The following ZNF69 variants were observed in gnomAD, a reference collection of about 807,000 sequenced individuals.
The protein encoded by ZNF69 is ZNF3.
In ZNF69, 47 loss-of-function variants were observed where a neutral mutation model predicts 50.9. The observed-to-expected ratio is 0.92, with a 90% CI of 0.73 to 1.18. The LOEUF (loss-of-function observed/expected upper bound fraction) is 1.18, where lower values mean the gene tolerates loss of function less well. Ranked by LOEUF, ZNF69 falls within the 50% of genes most tolerant of loss-of-function variation. The pLI is 0.00. For synonymous variants in ZNF69, 216 were observed against 223.1 expected (o/e 0.97, Z 0.29); for missense variants, 717 against 675.1 (o/e 1.06, Z -0.69).
the ZNF69 span, chr19:11,979,810 T>A: frequency 3.2e-6 from 5 of 1,572,714 alleles, no homozygotes; most frequent in African/African-American, 4.1e-5. Flanking sequence ...GTAAGGAATG[T>A]GGGAAAGCCT....
intron 1 of ZNF69, among the ~76,000 whole-genome samples, chr19:11,889,452 C>G (rs956044525): frequency 2.6e-5 from 4 of 152,122 alleles, no homozygotes; most frequent in Middle Eastern, 3.2e-3. Context: ...ACTTCACTTA[C>G]CTGGGAAGGT....
At chr19:11,950,101 A>C in the ZNF69 span, 1 of 1,614,216 alleles carries the variant, frequency 6.2e-7, no homozygotes, top group Non-Finnish European at 8.5e-7. Flanking sequence ...GATTCTTCAA[A>C]TACATGCAAG....
chr19:11,921,521 G>C, the ZNF69 span, among the ~76,000 whole-genome samples: 1 of 151,096 alleles, frequency 6.6e-6, no homozygotes, highest in African/African-American at 2.4e-5. Context: ...TTTGTTTTTT[G>C]AGACAGAGTC....
At chr19:11,942,373 T>C in the ZNF69 span, among the ~76,000 whole-genome samples, 24 of 152,074 alleles carry the variant, frequency 1.6e-4, no homozygotes, top group South Asian at 4.2e-4. Context: ...TATTAATTCA[T>C]AGGACTCCGT....
At chr19:11,947,188 T>C in the ZNF69 span, 1 of 1,613,818 alleles carries the variant, frequency 6.2e-7, no homozygotes, top group Non-Finnish European at 8.5e-7. Flanking sequence ...CAGGACCCAG[T>C]GGCCTTTGAG....
chr19:11,890,106 G>A (rs1028412654), intron 1 of ZNF69, among the ~76,000 whole-genome samples: 4 of 152,130 alleles, frequency 2.6e-5, no homozygotes, highest in Non-Finnish European at 4.4e-5. Context: ...TCCCCGGAAC[G>A]AGCAGGAGAC....
the ZNF69 span, among the ~76,000 whole-genome samples, chr19:11,944,604 G>A: frequency 8.5e-5 from 13 of 152,166 alleles, no homozygotes; most frequent in East Asian, 1.9e-4. Flanking sequence ...TTCTCAGTTC[G>A]CGTTGGATAA....
the ZNF69 span, among the ~76,000 whole-genome samples, chr19:11,965,784 C>G: frequency 2.6e-4 from 40 of 152,140 alleles, no homozygotes; most frequent in Non-Finnish European, 5.3e-4. Flanking sequence ...CCCAAGAAGC[C>G]TATAGTGAGT....
Position 11,894,915 on chromosome 19 carries a change from G to A in ZNF69, c.63+6929G>A, listed in dbSNP as rs183078471. Among the ~76,000 whole-genome samples the A allele has an allele frequency of 7.2e-5, 11 of 152,288 alleles. No individual in the cohort carries two copies. The East Asian group carries it at 1.2e-3, about 16-fold the overall frequency. On this transcript the variant is annotated intron_variant, in intron 1 of 3. Coordinates refer to ENST00000429654, the MANE Select transcript of ZNF69 (RefSeq NM_001364730.1). ...GACAAGGAAAGCCCACCCCAACGGGGTGGACCAGTAGCCTGCAAATCAGAA... is the reference window on the plus strand; with the variant it reads ...GACAAGGAAAGCCCACCCCAACGGGATGGACCAGTAGCCTGCAAATCAGAA...
the ZNF69 span, chr19:11,924,937 C>G: frequency 2.5e-6 from 1 of 405,100 alleles, no homozygotes; most frequent in Non-Finnish European, 4.6e-6. Context: ...AAGCAGCTCG[C>G]CCTTAGAGAA....
the ZNF69 span, chr19:11,978,418 A>G: frequency 3.8e-5 from 62 of 1,614,110 alleles, no homozygotes; most frequent in Non-Finnish European, 5.0e-5. Flanking sequence ...CAAGAAAGGA[A>G]TCACACCGGA....
the ZNF69 span, chr19:11,978,686 G>A: frequency 1.2e-6 from 2 of 1,613,832 alleles, no homozygotes; most frequent in Non-Finnish European, 8.5e-7. Flanking sequence ...CTGGAGAAAA[G>A]CCTTATGAAT....
the ZNF69 span, among the ~76,000 whole-genome samples, chr19:11,926,013 G>A: frequency 2.6e-5 from 4 of 152,190 alleles, no homozygotes; most frequent in African/African-American, 2.4e-5. Context: ...AGGCACAGGT[G>A]GTTGAGGGAT....
At chr19:11,921,938 CAAGAA>C in the ZNF69 span, among the ~76,000 whole-genome samples, 1 of 151,962 alleles carries the variant, frequency 6.6e-6, no homozygotes, top group Non-Finnish European at 1.5e-5. Context: ...TTATTTACTC[CAAGAA>C]AAGTAAAAGC....
the ZNF69 span, chr19:11,965,092 TC>T: frequency 7.3e-7 from 1 of 1,371,386 alleles, no homozygotes; most frequent in Non-Finnish European, 1.0e-6. Flanking sequence ...GCTGTATCCA[TC>T]CCCGAGAGGG....
At chr19:11,932,187 A>G in the ZNF69 span, among the ~76,000 whole-genome samples, 1 of 147,814 alleles carries the variant, frequency 6.8e-6, no homozygotes, top group Admixed American at 6.6e-5. Flanking sequence ...CCTTGTCTAT[A>G]CAAAAACTTA....
chr19:11,969,867 G>A, the ZNF69 span, among the ~76,000 whole-genome samples: 2 of 152,126 alleles, frequency 1.3e-5, no homozygotes, highest in Non-Finnish European at 2.9e-5. Flanking sequence ...TTTGGGATGA[G>A]GTTCCTTTCT....
chr19:11,949,942 A>G, the ZNF69 span: 3 of 1,614,152 alleles, frequency 1.9e-6, no homozygotes, highest in East Asian at 2.2e-5. Context: ...GATGCATGAA[A>G]GGACTCACAC....
intron 1 of ZNF69, among the ~76,000 whole-genome samples, chr19:11,890,134 C>T (rs11669983): frequency 0.18 from 27,843 of 152,166 alleles, 3,407 homozygotes; most frequent in Non-Finnish European, 0.27. Context: ...TTCCTCTTAT[C>T]TCAACTGCAA....
Sources: allele counts gnomAD v4.1 joint callset (sites outside exome capture counted in the v4.1 genomes callset), GRCh38; gene constraint gnomAD v4.1.1; transcripts MANE v1.5; gene names NCBI Gene and HGNC (gene_info 2026-07-23, HGNC 2026-07-21).